The following CTNNA3 variants were observed in gnomAD, a reference collection of about 807,000 sequenced individuals.
The protein encoded by CTNNA3 is catenin alpha-3.
CTNNA3 carries 76 observed loss-of-function variants against 95.7 expected under a neutral mutation model. The ratio of observed to expected loss-of-function variants is 0.79; its 90% CI spans 0.66 to 0.96. The LOEUF (loss-of-function observed/expected upper bound fraction) is 0.96, where lower values mean the gene tolerates loss of function less well. CTNNA3 is among the 40% of genes least tolerant of loss of function. The pLI is 0.00. For synonymous variants in CTNNA3, 431 were observed against 374.4 expected (o/e 1.15, Z -1.74); for missense variants, 1,191 against 1,089.8 (o/e 1.09, Z -1.31).
chr10:66,030,937 GA>G (rs1043146898), intron 15 of CTNNA3, among the ~76,000 whole-genome samples: 4 of 151,512 alleles, frequency 2.6e-5, no homozygotes, highest in African/African-American at 9.7e-5. Flanking sequence ...ACATACATAT[GA>G]AAAAAATGCT....
chr10:66,391,702 G>A (rs2092934915), intron 11 of CTNNA3, among the ~76,000 whole-genome samples: 1 of 151,946 alleles, frequency 6.6e-6, no homozygotes, highest in African/African-American at 2.4e-5. Context: ...AACCAGTTTT[G>A]TTTCTAAATG....
intron 7 of CTNNA3, among the ~76,000 whole-genome samples, chr10:67,076,652 G>A (rs1467457599): frequency 1.3e-5 from 2 of 152,084 alleles, no homozygotes; most frequent in African/African-American, 2.4e-5. Context: ...GATAAATAAG[G>A]CATGAAAATA....
intron 15 of CTNNA3, among the ~76,000 whole-genome samples, chr10:66,053,639 T>G: frequency 6.6e-6 from 1 of 152,068 alleles, no homozygotes; most frequent in East Asian, 1.9e-4. Context: ...TAATTTTTAA[T>G]TATTATGAAT....
intron 12 of CTNNA3, among the ~76,000 whole-genome samples, chr10:66,359,703 C>A (rs1466013799): frequency 1.3e-5 from 2 of 152,034 alleles, no homozygotes; most frequent in East Asian, 3.9e-4. Flanking sequence ...AGAATTATGT[C>A]TTATTTATTT....
At chr10:66,940,677 C>T (rs564989688) in intron 7 of CTNNA3, among the ~76,000 whole-genome samples, 19 of 152,272 alleles carry the variant, frequency 1.2e-4, no homozygotes, top group African/African-American at 4.3e-4. Context: ...TATCTCCTCA[C>T]ATTCAACTCA....
chr10:67,483,093 C>T (rs1233100902), intron 5 of CTNNA3, among the ~76,000 whole-genome samples: 6 of 151,796 alleles, frequency 4.0e-5, no homozygotes, highest in Admixed American at 6.6e-5. Flanking sequence ...GTTAGAATGG[C>T]AATCATTAAA....
chr10:67,308,879 T>C (rs547753657), intron 5 of CTNNA3, among the ~76,000 whole-genome samples: 159 of 152,266 alleles, frequency 1.0e-3, no homozygotes, highest in African/African-American at 3.6e-3. Flanking sequence ...GAGGTACAAA[T>C]TCCTACTTCA....
At chr10:66,034,740 G>T (rs1329615152) in intron 15 of CTNNA3, among the ~76,000 whole-genome samples, 4 of 152,144 alleles carry the variant, frequency 2.6e-5, no homozygotes, top group African/African-American at 9.7e-5. Flanking sequence ...ACCTGAATGA[G>T]AAGGGATCAG....
chr10:66,074,978 T>C (rs2080521417), intron 14 of CTNNA3, among the ~76,000 whole-genome samples: 2 of 151,886 alleles, frequency 1.3e-5, no homozygotes, highest in African/African-American at 4.8e-5. Flanking sequence ...TTTATATCAC[T>C]GATCTTGTAT....
At chr10:67,339,185 A>G (rs1842094155) in intron 5 of CTNNA3, among the ~76,000 whole-genome samples, 1 of 152,200 alleles carries the variant, frequency 6.6e-6, no homozygotes. Flanking sequence ...TCTTCAGGAT[A>G]AATTCTATCC....
intron 3 of CTNNA3, among the ~76,000 whole-genome samples, chr10:67,594,484 GC>G (rs1444698891): frequency 4.6e-5 from 7 of 152,046 alleles, no homozygotes; most frequent in African/African-American, 1.7e-4. Flanking sequence ...ATTCTTGGGA[GC>G]TTGTATGTTT....
At chr10:66,955,991 A>G (rs1176181815) in intron 7 of CTNNA3, among the ~76,000 whole-genome samples, 1 of 152,228 alleles carries the variant, frequency 6.6e-6, no homozygotes, top group African/African-American at 2.4e-5. Flanking sequence ...GGGGTGCTCA[A>G]ATCTAACTTG....
At chr10:66,851,664 A>G (rs1589332802) in intron 7 of CTNNA3, among the ~76,000 whole-genome samples, 1 of 137,250 alleles carries the variant, frequency 7.3e-6, no homozygotes, top group African/African-American at 2.8e-5. Context: ...ACACACACAC[A>G]CACACACGCC....
chr10:66,644,028 CAGGCAGATCACTTG>C (rs1845606933), intron 9 of CTNNA3, among the ~76,000 whole-genome samples: 1 of 152,020 alleles, frequency 6.6e-6, no homozygotes, highest in Admixed American at 6.5e-5. Flanking sequence ...GAGACCAAGA[CAGGCAGATCACTTG>C]AGCCTGGGAG....
intron 2 of CTNNA3, among the ~76,000 whole-genome samples, chr10:67,612,779 G>GTC (rs770156138): frequency 2.0e-5 from 3 of 152,106 alleles, no homozygotes; most frequent in Non-Finnish European, 2.9e-5. Flanking sequence ...ATCTGGGCTA[G>GTC]TCTCTCTCTC....
intron 13 of CTNNA3, among the ~76,000 whole-genome samples, chr10:66,278,274 A>G (rs2091432515): frequency 6.6e-6 from 1 of 151,280 alleles, no homozygotes; most frequent in South Asian, 2.1e-4. Flanking sequence ...GCAGTTGGCT[A>G]TATTGGTAGA....
chr10:66,263,068 T>A (rs915856240), intron 13 of CTNNA3, among the ~76,000 whole-genome samples: 1 of 151,986 alleles, frequency 6.6e-6, no homozygotes, highest in South Asian at 2.1e-4. Flanking sequence ...GAAAACTAAT[T>A]ATGATAACAG....
intron 3 of CTNNA3, among the ~76,000 whole-genome samples, chr10:67,603,562 T>C (rs1843153626): frequency 6.6e-6 from 1 of 151,902 alleles, no homozygotes; most frequent in African/African-American, 2.4e-5. Flanking sequence ...GGCTAATGTG[T>C]GTATTTGTGT....
intron 13 of CTNNA3, among the ~76,000 whole-genome samples, chr10:66,276,856 A>G (rs1226253451): frequency 6.6e-6 from 1 of 152,088 alleles, no homozygotes; most frequent in Non-Finnish European, 1.5e-5. Flanking sequence ...CTATTAACTC[A>G]TGTAAGCATA....
Sources: gnomAD v4.1 joint callset for allele counts (sites outside exome capture counted in the v4.1 genomes callset) on GRCh38, gnomAD v4.1.1 for gene constraint, MANE v1.5 for transcripts, NCBI Gene and HGNC (gene_info 2026-07-23, HGNC 2026-07-21) for gene names.